Variants in L1TD1 observed in about 807,000 individuals in gnomAD.
L1TD1 encodes the protein LINE-1 type transposase domain-containing protein 1.
In L1TD1, 26 loss-of-function variants were observed where a neutral mutation model predicts 25.7. The observed-to-expected ratio is 1.01, with a 90% CI of 0.74 to 1.40. L1TD1 has a LOEUF of 1.40. Ranked by LOEUF, L1TD1 falls within the 40% of genes most tolerant of loss-of-function variation. The probability of loss-of-function intolerance (pLI) is 0.00; values close to 1 mark genes in which losing one functional copy is unlikely to be tolerated. For missense variants in L1TD1, 1,130 were observed against 975.0 expected, an observed-to-expected ratio of 1.16 and a Z score of -2.12; for synonymous variants, 421 against 335.6, an observed-to-expected ratio of 1.25 and a Z score of -2.78.
rs1195636077 is a variant in L1TD1, at chr1:62,205,444, T to TATA, written c.-110-1075_-110-1074insATA. ...ATATATATATATATATATATATATA[T>TATA]TTTTTTTTAGACAGTCTTGCTGTGT... is the stretch of plus-strand genomic sequence containing the variant. On this transcript the variant is annotated intron_variant, in intron 2 of 3. Transcript: ENST00000498273. 1.1e-4 allele frequency among the ~76,000 whole-genome samples: 8 copies of TATA among 75,902 alleles called. 1 individual carries two copies. The highest frequency in any genetic ancestry group is 3.1e-4 in the African/African-American group (7 of 22,786). The allele number at this position is 75,902 out of a possible 152,430, so 49.8% of individuals were successfully genotyped here.
rs763869370 is a variant in L1TD1 at position 62,211,357 on chromosome 1, G to A, written c.2583G>A (p.Gly861=). The A allele has an allele frequency of 2.5e-6, 4 of 1,605,536 alleles. No individual in the cohort carries two copies. Among genetic ancestry groups the A allele is most frequent in the Admixed American group, 3.4e-5 (2 of 58,852 alleles). Residue 861 remains glycine (G), a synonymous_variant, in exon 4 of 4, where the codon GGG becomes GGA. Transcript: ENST00000498273. ...TGCCCACCTTGAGAGAATTACTGGG[G>A]AATAATATACCTTAGCACGCCAGGG... The part of the protein sequence containing the change: ...LHMPTLRELL[G]NNIP
intron 2 of L1TD1, among the ~76,000 whole-genome samples, chr1:62,202,544 TTC>T (rs1324523839): frequency 1.4e-4 from 15 of 106,012 alleles, no homozygotes; most frequent in African/African-American, 5.5e-4. Flanking sequence ...TCTTTTTCTT[TTC>T]TTTTTTTTTT....
Position 62,207,380 on chromosome 1 carries a change from C to T in L1TD1, c.752C>T (p.Ser251Leu). 1.3e-6 allele frequency: 2 copies of T among 1,551,638 alleles called. No individual in the cohort carries two copies. Among genetic ancestry groups the T allele is most frequent in the Non-Finnish European group, 1.7e-6 (2 of 1,146,944 alleles). The change falls in exon 3 of 4, where the codon TCA (serine) becomes TTA (leucine). Residue 251 changes from serine to leucine, a missense_variant. By Grantham distance (145) the Ser-to-Leu change is moderately radical. Coordinates refer to ENST00000498273, the MANE Select transcript of L1TD1 (RefSeq NM_019079.5). ...CTTACCCTGGTAGCCGACCTTTCATCAGCAACACTGGATATTAGTAAGCAA... is the reference window on the plus strand; with the variant it reads ...CTTACCCTGGTAGCCGACCTTTCATTAGCAACACTGGATATTAGTAAGCAA... ...AVLTLVADLS[S>L]ATLDISKQWS...
chr1:62,196,910 A>T (rs1266355991), intron 2 of L1TD1, among the ~76,000 whole-genome samples: 2 of 151,720 alleles, frequency 1.3e-5, no homozygotes, highest in Non-Finnish European at 2.9e-5. Flanking sequence ...GGTATTTTAG[A>T]GTGAAACAAG....
rs890204634 is a variant in L1TD1, at chr1:62,211,007, C to G, written c.2233C>G (p.Arg745Gly). The G allele has an allele frequency of 6.5e-7, 1 of 1,546,244 alleles. No individual in the cohort carries two copies. Among genetic ancestry groups the G allele is most frequent in the South Asian group, 1.2e-5 (1 of 82,434 alleles). ...AAGTCTTGAGATTGTCAGTGCTTGT[C>G]GAGTACCTAGTAAAATTGATGAAAA... ...GSSLEIVSAC[R>G]VPSKIDEKRL... The change falls in exon 4 of 4, where the codon CGA (arginine) becomes GGA (glycine). Residue 745 changes from arginine (R) to glycine (G), a missense_variant. Transcript: ENST00000498273.
rs1233393089 is a variant in L1TD1, at chr1:62,210,104, T to A, written c.1330T>A (p.Ser444Thr). 1.2e-6 allele frequency: 2 copies of A among 1,613,944 alleles called. No homozygotes were observed. The highest frequency in any genetic ancestry group is 1.7e-5 in the Admixed American group (1 of 59,980). The change falls in exon 4 of 4, where the codon TCA becomes ACA. Residue 444 changes from serine to threonine, a missense_variant. By Grantham distance (58) the Ser-to-Thr change is moderately conservative. Transcript: ENST00000498273. ...EEEEQTSEQD[S>T]TFQGHTLVDA... ...AGAGGAACAGACTTCAGAACAGGAC[T>A]CAACCTTTCAGGGTCATACTTTGGT... is the stretch of plus-strand genomic sequence containing the variant.
At chr1:62,204,663 C>A (rs1004236343) in intron 2 of L1TD1, among the ~76,000 whole-genome samples, 1 of 152,096 alleles carries the variant, frequency 6.6e-6, no homozygotes, top group Non-Finnish European at 1.5e-5. Context: ...CTTAACCTCC[C>A]AGAGTGCTAG....
chr1:62,200,518 CTTATATATAG>C (rs1045528742), intron 2 of L1TD1, among the ~76,000 whole-genome samples: 3 of 151,982 alleles, frequency 2.0e-5, no homozygotes, highest in African/African-American at 7.2e-5. Flanking sequence ...TATTTATGTA[CTTATATATAG>C]TTATATCTAT....
chr1:62,211,175 C>T lies in L1TD1; in HGVS notation c.2401C>T (p.Leu801=). 1 of 1,551,482 alleles carries T rather than the reference C, an allele frequency of 6.4e-7. No homozygotes were observed. The highest frequency in any genetic ancestry group is 8.7e-7 in the Non-Finnish European group (1 of 1,146,954). The part of the protein sequence containing the change: ...RLTADLSLDT[L]DARSKWSNVF... ...GACAGCAGACTTATCACTGGACACA[C>T]TGGATGCTAGAAGTAAATGGAGCAA... Residue 801 remains leucine, a synonymous_variant, in exon 4 of 4, where the codon CTG becomes TTG. Coordinates refer to ENST00000498273, the MANE Select transcript of L1TD1 (RefSeq NM_019079.5).
chr1:62,211,556 A>G lies in L1TD1; in HGVS notation c.*184A>G. The G allele has an allele frequency of 1.0e-6, 1 of 998,160 alleles. No homozygotes were observed. The highest frequency in any genetic ancestry group is 1.4e-6 in the Non-Finnish European group (1 of 728,502). The allele number at this position is 998,160 out of a possible 1,614,324, so 61.8% of individuals were successfully genotyped here. On this transcript the variant is annotated 3_prime_UTR_variant, in exon 4 of 4. Transcript: ENST00000498273. ...AATAAAGGGTATGTTTAAAAAAAATAGGCTGGTCTCAATGTAGTGAGTTAT... is the reference window on the plus strand; with the variant it reads ...AATAAAGGGTATGTTTAAAAAAAATGGGCTGGTCTCAATGTAGTGAGTTAT...
chr1:62,203,287 TATACA>T, intron 2 of L1TD1, among the ~76,000 whole-genome samples: 1 of 152,198 alleles, frequency 6.6e-6, no homozygotes, highest in East Asian at 1.9e-4. Context: ...ACTGTTTAAG[TATACA>T]ATAAGCTATT....
Position 62,210,287 on chromosome 1 carries a change from A to G in L1TD1, c.1513A>G (p.Arg505Gly). The G allele has an allele frequency of 6.2e-7, 1 of 1,614,146 alleles. No homozygotes were observed. The highest frequency in any genetic ancestry group is 1.1e-5 in the South Asian group (1 of 91,072). Residue 505 changes from arginine (R) to glycine (G), a missense_variant, in exon 4 of 4, where the codon AGA becomes GGA. Arg to Gly is a moderately radical substitution (Grantham distance 125). Transcript: ENST00000498273. ...TSLTEKKASR[R>G]QKEIPFSYLV... is the part of the protein sequence containing the mutation. The stretch of plus-strand genomic sequence containing the variant: ...CCTGACTGAGAAAAAAGCCTCACGT[A>G]GACAAAAAGAAATTCCCTTTAGTTA...
intron 2 of L1TD1, among the ~76,000 whole-genome samples, chr1:62,199,476 CCA>C (rs1246754397): frequency 6.7e-5 from 10 of 148,388 alleles, no homozygotes; most frequent in Admixed American, 6.1e-4. Flanking sequence ...CCAGCCTAAT[CCA>C]CAGAGTGAGA....
intron 3 of L1TD1, chr1:62,208,516 A>G (rs1022239343): frequency 8.8e-5 from 12 of 137,112 alleles, no homozygotes; most frequent in African/African-American, 3.0e-4. Flanking sequence ...GTCTTGCTCT[A>G]TTGCCCTGGT....
chr1:62,206,902 A>G lies in L1TD1; in HGVS notation c.274A>G (p.Asn92Asp), dbSNP rs747214283. ...GGKATIPEVK[N>D]SENSSSRTEF... ...AAAAGCTACAATACCTGAGGTAAAG[A>G]ATTCAGAGAACTCCAGTAGTAGGAC... Residue 92 changes from asparagine to aspartate, a missense_variant, in exon 3 of 4, where the codon AAT (asparagine) becomes GAT (aspartate). By Grantham distance (23) the Asn-to-Asp change is conservative. Transcript: ENST00000498273. 1 of 1,613,870 alleles carries G rather than the reference A, an allele frequency of 6.2e-7. No homozygotes were observed. Among genetic ancestry groups the G allele is most frequent in the Admixed American group, 1.7e-5 (1 of 59,970 alleles).
At chr1:62,205,044 C>T (rs1361361689) in intron 2 of L1TD1, among the ~76,000 whole-genome samples, 1 of 152,040 alleles carries the variant, frequency 6.6e-6, no homozygotes, top group African/African-American at 2.4e-5. Context: ...TCTAGATCTC[C>T]CTGTACTCTA....
intron 3 of L1TD1, among the ~76,000 whole-genome samples, chr1:62,207,943 C>G (rs1049081402): frequency 9.9e-5 from 15 of 152,182 alleles, no homozygotes; most frequent in African/African-American, 1.4e-4. Context: ...AACTCCCGAC[C>G]TCAGGTGATC....
intron 2 of L1TD1, among the ~76,000 whole-genome samples, chr1:62,198,700 C>T (rs187731475): frequency 7.2e-4 from 109 of 152,278 alleles, no homozygotes; most frequent in South Asian, 1.7e-3. Flanking sequence ...CCCTCCCAAC[C>T]CCCAGTCCCT....
chr1:62,210,838 A>G lies in L1TD1; in HGVS notation c.2064A>G (p.Glu688=). 6.5e-7 allele frequency: 1 copy of G among 1,548,926 alleles called. No individual in the cohort carries two copies. Among genetic ancestry groups the G allele is most frequent in the South Asian group, 1.2e-5 (1 of 83,120 alleles). ...TGACCAAACAGATAATTAGTAAAGA[A>G]AGGCAAAGAGATATAGAGGAGAGAT... ...MQMTKQIISK[E]RQRDIEERSR... is the part of the protein sequence containing the mutation. The change falls in exon 4 of 4, where the codon GAA becomes GAG. Residue 688 remains glutamate (E), a synonymous_variant. Transcript: ENST00000498273.
Sources: allele counts gnomAD v4.1 joint callset (sites outside exome capture counted in the v4.1 genomes callset), GRCh38; gene constraint gnomAD v4.1.1; transcripts MANE v1.5; gene names NCBI Gene and HGNC (gene_info 2026-07-23, HGNC 2026-07-21).